BRD9: variants seen among roughly 807,000 people sequenced by gnomAD.
BRD9 encodes bromodomain-containing protein 9.
Under a neutral mutation model 68.7 loss-of-function variants are expected in BRD9, and 47 were observed. That is an observed-to-expected ratio of 0.68 (90% CI 0.54 to 0.87). The LOEUF (loss-of-function observed/expected upper bound fraction) is 0.87. BRD9 is among the 40% of genes least tolerant of loss of function. The pLI is 0.00. For synonymous variants in BRD9, 313 were observed against 293.9 expected, an observed-to-expected ratio of 1.06 and a Z score of -0.67; for missense variants, 670 against 748.4, an observed-to-expected ratio of 0.90 and a Z score of 1.22.
chr5:878,390 G>C lies in BRD9; in HGVS notation c.1236C>G (p.Ala412=), dbSNP rs541919388. The C allele has an allele frequency of 6.2e-7, 1 of 1,614,228 alleles. No homozygotes were observed. Among genetic ancestry groups the C allele is most frequent in the African/African-American group, 1.3e-5 (1 of 75,084 alleles). ...ACTGCACGCCTGTCTCATCTCCGTA[G>C]GCTGAGTAGAGCAGCTCCATCTCGT... ...KSDEMELLYS[A]YGDETGVQCA... The change falls in exon 11 of 16, where the codon GCC becomes GCG. Residue 412 remains alanine, a synonymous_variant. Transcript: ENST00000467963.
chr5:891,613 T>G, intron 2 of BRD9, 27 bp downstream of exon 2: 1 of 1,548,484 alleles, frequency 6.5e-7, no homozygotes. Flanking sequence ...GTGGGCAGCG[T>G]CCGGGCCACC....
chr5:885,490 C>T (rs753756903), intron 7 of BRD9, among the ~76,000 whole-genome samples: 2 of 152,212 alleles, frequency 1.3e-5, no homozygotes, highest in Non-Finnish European at 2.9e-5. Context: ...AATGGAGGGC[C>T]GTGACCATCA....
At chr5:871,776 C>T (rs547460746) in intron 12 of BRD9, among the ~76,000 whole-genome samples, 18 of 152,240 alleles carry the variant, frequency 1.2e-4, no homozygotes, top group Non-Finnish European at 1.6e-4. Context: ...CCCTCCTCAG[C>T]GCCAGGATTG....
At chr5:867,926 A>G (rs1421904184) in intron 14 of BRD9, among the ~76,000 whole-genome samples, 1 of 152,194 alleles carries the variant, frequency 6.6e-6, no homozygotes, top group African/African-American at 2.4e-5. Context: ...GAAAAGGACA[A>G]AAGATTCGAG....
rs191899069 is a variant in BRD9 at position 887,354 on chromosome 5, T to C, written c.717+7A>G. The C allele has an allele frequency of 2.1e-4, 333 of 1,606,138 alleles. 3 individuals carry two copies. In the Admixed American group the frequency reaches 5.5e-3, roughly 27 times the overall value. On this transcript the variant is annotated splice_region_variant and intron_variant, in intron 6 of 15. Coordinates refer to ENST00000467963, the MANE Select transcript of BRD9 (RefSeq NM_023924.5). The stretch of plus-strand genomic sequence containing the variant: ...CCGTAGCTCGCTGCTGCCAGTGAGT[T>C]TCTTACTTTGCTCATCATCTTAAAG...
chr5:867,880 G>T (rs1357700377), intron 14 of BRD9, among the ~76,000 whole-genome samples: 2 of 152,222 alleles, frequency 1.3e-5, no homozygotes, highest in African/African-American at 2.4e-5. Flanking sequence ...AGACTTTAGG[G>T]GACTGTTAGG....
In BRD9 at chr5:884,121, A is replaced by C. The variant is rs191270726; in HGVS notation, c.834-51T>G. ...CCTGGAGGCAGCGTCCCCACCGCAC[A>C]CCTGCTCCCCATGCGTCGGCACCTA... On this transcript the variant is annotated intron_variant, in intron 7 of 15. Transcript: ENST00000467963. 1.2e-4 allele frequency: 185 copies of C among 1,593,532 alleles called. No homozygotes were observed. The African/African-American group carries it at 2.0e-3, about 18-fold the overall frequency.
intron 13 of BRD9, 102 bp downstream of exon 13, chr5:871,424 C>A: frequency 9.4e-7 from 1 of 1,059,620 alleles, no homozygotes; most frequent in Non-Finnish European, 1.5e-6. Flanking sequence ...GACTCCATTT[C>A]TAAACGCCGT....
Position 872,298 on chromosome 5 carries a change from C to T in BRD9, c.1384-734G>A, listed in dbSNP as rs1023648138. On this transcript the variant is annotated intron_variant, in intron 12 of 15. Transcript: ENST00000467963. ...AGAAAATGAATACTGCTGTTTTGTT[C>T]GCATCTGTTTCCCCAAAAGCCTTCA... Among the ~76,000 whole-genome samples, 14 of 152,316 alleles carry T rather than the reference C, an allele frequency of 9.2e-5. No homozygotes were observed. In the South Asian group the frequency reaches 2.1e-3, roughly 23 times the overall value.
intron 15 of BRD9, 69 bp from the exon 16 acceptor site, chr5:864,637 C>G (rs1749068750): frequency 3.5e-6 from 5 of 1,427,636 alleles, no homozygotes; most frequent in Non-Finnish European, 4.9e-6. Flanking sequence ...GCTCCTGGAG[C>G]CCAAGGTCTG....
chr5:876,555 G>A (rs1179613575), intron 11 of BRD9, among the ~76,000 whole-genome samples: 1 of 152,218 alleles, frequency 6.6e-6, no homozygotes, highest in Non-Finnish European at 1.5e-5. Flanking sequence ...GTGGACAGAA[G>A]CACACCAGTG....
At chr5:880,680 C>T (rs1751605082) in intron 9 of BRD9, among the ~76,000 whole-genome samples, 1 of 152,246 alleles carries the variant, frequency 6.6e-6, no homozygotes, top group Non-Finnish European at 1.5e-5. Context: ...CTAGTGTGCA[C>T]CATCCTTCAA....
chr5:887,246 A>AT, intron 6 of BRD9, 115 bp downstream of exon 6: 2 of 868,414 alleles, frequency 2.3e-6, no homozygotes, highest in Non-Finnish European at 3.7e-6. Context: ...GGGCAACACC[A>AT]TGAGGGTGGC....
At position 891,735 on chromosome 5, in the gene BRD9, G is replaced by A. The variant is rs188497973; in HGVS notation, c.172C>T (p.His58Tyr). The change falls in exon 2 of 16, where the codon CAT becomes TAT. Residue 58 changes from histidine (H) to tyrosine (Y), a missense_variant. Coordinates refer to ENST00000467963, the MANE Select transcript of BRD9 (RefSeq NM_023924.5). Reference protein sequence around the residue: ...DSSYYDDRSDHERERHKEKKK... With the variant: ...DSSYYDDRSDYERERHKEKKK... ...TTTTCTTTGTGCCTCTCTCGCTCAT[G>A]GTCTGACCTGTCATCATAGTAACTG... is the stretch of plus-strand genomic sequence containing the variant. 24 of 1,551,564 alleles carry A rather than the reference G, an allele frequency of 1.5e-5. No homozygotes were observed. The East Asian group carries it at 5.1e-4, about 33-fold the overall frequency.
intron 12 of BRD9, among the ~76,000 whole-genome samples, chr5:873,427 G>T (rs1177909230): frequency 6.6e-6 from 1 of 152,148 alleles, no homozygotes; most frequent in African/African-American, 2.4e-5. Context: ...TTTAAACAAA[G>T]CTTCTCCTCC....
In BRD9 at chr5:886,608, T is replaced by C. The variant is rs377195013; in HGVS notation, c.817A>G (p.Ser273Gly). Residue 273 changes from serine (S) to glycine (G), a missense_variant, in exon 7 of 16, where the codon AGT becomes GGT. Ser to Gly is a moderately conservative substitution (Grantham distance 56). Transcript: ENST00000467963. ...VETAKKSKKPSREVISCMFEP... is the reference protein window; with the variant it reads ...VETAKKSKKPGREVISCMFEP... ...AACCTTTACCTGATAACTTCTCTAC[T>C]CGGCTTTTTGGATTTCTTGGCAGTT... 7.4e-6 allele frequency: 12 copies of C among 1,613,926 alleles called. No individual in the cohort carries two copies. The highest frequency in any genetic ancestry group is 2.7e-5 in the African/African-American group (2 of 74,930).
At chr5:887,729 G>A (rs895157474) in intron 5 of BRD9, among the ~76,000 whole-genome samples, 2 of 152,212 alleles carry the variant, frequency 1.3e-5, no homozygotes, top group African/African-American at 4.8e-5. Flanking sequence ...TACAAATGCT[G>A]TGTGAGGAAA....
At chr5:890,297 C>A (rs1753168867) in intron 3 of BRD9, among the ~76,000 whole-genome samples, 2 of 152,058 alleles carry the variant, frequency 1.3e-5, no homozygotes, top group African/African-American at 4.8e-5. Flanking sequence ...CAGCAGGCCT[C>A]AGACAGTTTC....
rs756141151 is a variant in BRD9 at position 891,129 on chromosome 5, G to A, written c.400+26C>T. ...TACAACGATGAGCTGTGAACACCAG[G>A]AGAGTCTCTAAAAGTGCACCCTTGC... On this transcript the variant is annotated intron_variant, in intron 3 of 15. Coordinates refer to ENST00000467963, the MANE Select transcript of BRD9 (RefSeq NM_023924.5). 2.6e-6 allele frequency: 4 copies of A among 1,537,042 alleles called. No individual in the cohort carries two copies. In the East Asian group the frequency reaches 9.8e-5, roughly 38 times the overall value.
Sources: gnomAD v4.1 joint callset for allele counts (sites outside exome capture counted in the v4.1 genomes callset) on GRCh38, gnomAD v4.1.1 for gene constraint, MANE v1.5 for transcripts, NCBI Gene and HGNC (gene_info 2026-07-23, HGNC 2026-07-21) for gene names.